Variants in TNC observed in about 807,000 individuals in gnomAD.
TNC encodes tenascin.
A neutral mutation model predicts 202.4 loss-of-function variants in TNC; 109 were observed. That is an observed-to-expected ratio of 0.54 (90% CI 0.46 to 0.63). The LOEUF is 0.63. Ranked by LOEUF, TNC falls within the 30% of genes least tolerant of loss-of-function variation. The pLI, the probability that TNC is intolerant of heterozygous loss-of-function variation, is 0.00. For synonymous variants in TNC, 1,007 were observed against 1,089.7 expected, an observed-to-expected ratio of 0.92 and a Z score of 1.50; for missense variants, 2,756 against 2,833.3, an observed-to-expected ratio of 0.97 and a Z score of 0.62.
At chr9:115,091,810 T>C (rs1451951831) in intron 1 of TNC, among the ~76,000 whole-genome samples, 3 of 152,238 alleles carry the variant, frequency 2.0e-5, no homozygotes, top group Non-Finnish European at 4.4e-5. Context: ...GCATTCAGTC[T>C]ACTCCTCTGC....
Position 115,024,156 on chromosome 9 carries a change from T to C in TNC, c.6332-20A>G. 2 of 1,607,348 alleles carry C rather than the reference T, an allele frequency of 1.2e-6. No individual in the cohort carries two copies. Among genetic ancestry groups the C allele is most frequent in the South Asian group, 1.1e-5 (1 of 90,788 alleles). ...AGTCACCTGGGAGAGACAGAAAATA[T>C]GGACCTGAGAAATCTCAGCTGAAAT... On this transcript the variant is annotated intron_variant, in intron 26 of 27. Coordinates refer to ENST00000350763, the MANE Select transcript of TNC (RefSeq NM_002160.4).
chr9:115,058,934 T>C (rs898990995), intron 14 of TNC, among the ~76,000 whole-genome samples: 4 of 152,134 alleles, frequency 2.6e-5, no homozygotes, highest in African/African-American at 9.7e-5. Flanking sequence ...CTCCTGGGTC[T>C]GGGGCTGGGA....
intron 10 of TNC, among the ~76,000 whole-genome samples, chr9:115,069,936 T>C (rs926442911): frequency 2.0e-5 from 3 of 150,768 alleles, no homozygotes; most frequent in Non-Finnish European, 4.4e-5. Context: ...AAGGAAAGAA[T>C]TGGGGTGTTA....
intron 5 of TNC, among the ~76,000 whole-genome samples, chr9:115,082,325 A>G (rs566465236): frequency 1.3e-5 from 2 of 152,304 alleles, no homozygotes; most frequent in African/African-American, 2.4e-5. Flanking sequence ...CCTGCTTCAC[A>G]TGTACTTTTG....
intron 1 of TNC, among the ~76,000 whole-genome samples, chr9:115,091,607 A>G (rs1328477002): frequency 2.0e-5 from 3 of 152,186 alleles, no homozygotes; most frequent in Non-Finnish European, 2.9e-5. Flanking sequence ...GTGAATTATT[A>G]TAGTGTTATA....
intron 1 of TNC, among the ~76,000 whole-genome samples, chr9:115,095,627 T>C (rs1470669757): frequency 2.3e-4 from 1 of 4,390 alleles, no homozygotes; most frequent in African/African-American, 5.6e-4. Context: ...TATATATATA[T>C]GTATATATAT....
At chr9:115,075,925 TCCTCCAGGC>T in intron 9 of TNC, 98 bp downstream of exon 9, 3 of 964,334 alleles carry the variant, frequency 3.1e-6, no homozygotes, top group Admixed American at 3.7e-5. Context: ...GGGCCCTTTT[TCCTCCAGGC>T]TTCTACTTTT....
At chr9:115,110,500 G>A (rs564887487) in intron 1 of TNC, among the ~76,000 whole-genome samples, 53 of 152,264 alleles carry the variant, frequency 3.5e-4, no homozygotes, top group African/African-American at 1.3e-3. Flanking sequence ...AATGGAGGTG[G>A]GGCAGGGGGT....
chr9:115,026,751 C>G lies in TNC; in HGVS notation c.6170-56G>C, dbSNP rs892228504. The G allele has an allele frequency of 1.2e-5, 19 of 1,581,016 alleles. No individual in the cohort carries two copies. The African/African-American group carries it at 2.3e-4, about 19-fold the overall frequency. On this transcript the variant is annotated intron_variant, in intron 25 of 27. Coordinates refer to ENST00000350763, the MANE Select transcript of TNC (RefSeq NM_002160.4). The stretch of plus-strand genomic sequence containing the variant: ...GCACAGGTGACTGAGGCCCTCATTT[C>G]TATTTCACTCTGTAAAAGCGGCAAC...
chr9:115,025,008 G>A (rs183707605), intron 26 of TNC, among the ~76,000 whole-genome samples: 10 of 152,314 alleles, frequency 6.6e-5, no homozygotes, highest in Non-Finnish European at 1.3e-4. Context: ...CCCAGAGCAT[G>A]AGGACGGCAC....
intron 15 of TNC, among the ~76,000 whole-genome samples, chr9:115,052,079 CATAT>C (rs3035495): frequency 7.5e-5 from 11 of 146,858 alleles, no homozygotes; most frequent in South Asian, 2.1e-4. Flanking sequence ...TGTATATATA[CATAT>C]ATATATATAT....
At chr9:115,079,042 T>C (rs988415808) in intron 6 of TNC, among the ~76,000 whole-genome samples, 3 of 152,206 alleles carry the variant, frequency 2.0e-5, no homozygotes, top group Non-Finnish European at 4.4e-5. Context: ...TGGCTGCCAC[T>C]GTCCTTGAAG....
intron 19 of TNC, among the ~76,000 whole-genome samples, chr9:115,040,077 T>C (rs1830615947): frequency 6.6e-6 from 1 of 152,198 alleles, no homozygotes; most frequent in African/African-American, 2.4e-5. Context: ...TGAAGAGAAA[T>C]TTTCCACTTC....
chr9:115,076,536 G>C lies in TNC; in HGVS notation c.2714C>G (p.Thr905Arg). 1 of 1,614,224 alleles carries C rather than the reference G, an allele frequency of 6.2e-7. No individual in the cohort carries two copies. The highest frequency in any genetic ancestry group is 1.1e-5 in the South Asian group (1 of 91,084). The change falls in exon 8 of 28, where the codon ACA becomes AGA. Residue 905 changes from threonine (T) to arginine (R), a missense_variant. Thr to Arg is a moderately conservative substitution (Grantham distance 71). Around this residue, in one of 2 missense-constraint regions of TNC, gnomAD observed 2,559 missense variants for 2,546.0 expected, o/e 1.01. Coordinates refer to ENST00000350763, the MANE Select transcript of TNC (RefSeq NM_002160.4). ...CCATTCCAGGGTGATGCTGTTATCTGTCTGGGAAACACGTCGAAGATTCCT... is the reference window on the plus strand; with the variant it reads ...CCATTCCAGGGTGATGCTGTTATCTCTCTGGGAAACACGTCGAAGATTCCT... Reference protein sequence around the residue: ...APRNLRRVSQTDNSITLEWRN... With the variant: ...APRNLRRVSQRDNSITLEWRN...
At chr9:115,062,239 G>T (rs536192736) in intron 13 of TNC, among the ~76,000 whole-genome samples, 1 of 152,116 alleles carries the variant, frequency 6.6e-6, no homozygotes, top group African/African-American at 2.4e-5. Context: ...TATTGCTCAC[G>T]ACAGTTTCCT....
At position 115,021,201 on chromosome 9, in the gene TNC, G is replaced by T; in HGVS notation, c.6562C>A (p.Pro2188Thr). Reference sequence around the variant, plus strand: ...CCTTCAAGATTTCTGAAGTTGCTTGGTCTCAGCTTCATCTCAGCAAACTGG... The same window carrying T: ...CCTTCAAGATTTCTGAAGTTGCTTGTTCTCAGCTTCATCTCAGCAAACTGG... ...SIQFAEMKLR[P>T]SNFRNLEGRR... The change falls in exon 28 of 28, where the codon CCA (proline) becomes ACA (threonine). Residue 2188 changes from proline to threonine, a missense_variant. By Grantham distance (38) the Pro-to-Thr change is conservative (BLOSUM62 -1). Coordinates refer to ENST00000350763, the MANE Select transcript of TNC (RefSeq NM_002160.4). The T allele has an allele frequency of 6.2e-7, 1 of 1,613,692 alleles. No homozygotes were observed. The highest frequency in any genetic ancestry group is 8.5e-7 in the Non-Finnish European group (1 of 1,179,944).
intron 2 of TNC, among the ~76,000 whole-genome samples, chr9:115,088,615 A>G (rs754452859): frequency 9.9e-5 from 15 of 152,136 alleles, no homozygotes; most frequent in Non-Finnish European, 1.9e-4. Context: ...GCACTAGAGT[A>G]TATTCACTCT....
intron 17 of TNC, among the ~76,000 whole-genome samples, 197 bp downstream of exon 17, chr9:115,046,213 A>G (rs908223843): frequency 6.6e-6 from 1 of 152,162 alleles, no homozygotes; most frequent in African/African-American, 2.4e-5. Context: ...TCACAACCCT[A>G]TTAAGTAAAT....
chr9:115,061,799 T>C (rs760983836), intron 13 of TNC, among the ~76,000 whole-genome samples: 3 of 152,210 alleles, frequency 2.0e-5, no homozygotes, highest in African/African-American at 7.2e-5. Context: ...AGAAATCTCA[T>C]GTACAGCACA....
Sources: gnomAD v4.1 joint callset for allele counts (sites outside exome capture counted in the v4.1 genomes callset) on GRCh38, gnomAD v4.1.1 for gene constraint, gnomAD v4.1.1 regional missense constraint, MANE v1.5 for transcripts, NCBI Gene and HGNC (gene_info 2026-07-23, HGNC 2026-07-21) for gene names.